Variants in B3GALT1 observed in about 807,000 individuals in gnomAD.
The protein encoded by B3GALT1 is beta-1,3-galactosyltransferase 1, also known as UDP-Gal:betaGlcNAc beta 1,3-galactosyltransferase, polypeptide 1.
In B3GALT1, 10 loss-of-function variants were observed where a neutral mutation model predicts 23.2. The observed-to-expected ratio is 0.43, with a 90% CI of 0.27 to 0.73. The LOEUF (loss-of-function observed/expected upper bound fraction) is 0.73, where lower values mean the gene tolerates loss of function less well. Among genes scored for constraint, B3GALT1 ranks in the 30% least tolerant of loss-of-function variants. The pLI, the probability that B3GALT1 is intolerant of heterozygous loss-of-function variation, is 0.21. For missense variants in B3GALT1, 299 were observed against 405.4 expected, an observed-to-expected ratio of 0.74 and a Z score of 2.25; for synonymous variants, 156 against 141.5, an observed-to-expected ratio of 1.10 and a Z score of -0.73.
intron 2 of B3GALT1, among the ~76,000 whole-genome samples, chr2:167,525,523 A>T (rs899890572): frequency 2.0e-5 from 3 of 151,874 alleles, no homozygotes; most frequent in Non-Finnish European, 2.9e-5. Flanking sequence ...ATTGCTATGG[A>T]CTTACGTATA....
chr2:167,475,078 CT>C (rs1449292747), intron 1 of B3GALT1, among the ~76,000 whole-genome samples: 1 of 152,122 alleles, frequency 6.6e-6, no homozygotes, highest in Non-Finnish European at 1.5e-5. Flanking sequence ...AGCAATTTTG[CT>C]TTCTGCAATT....
chr2:167,330,049 T>C (rs565436613), intron 1 of B3GALT1, among the ~76,000 whole-genome samples: 33 of 152,156 alleles, frequency 2.2e-4, no homozygotes, highest in Non-Finnish European at 4.4e-4. Flanking sequence ...CTGTATCTTA[T>C]TGTCTAAATC....
intron 4 of B3GALT1, among the ~76,000 whole-genome samples, chr2:167,828,081 C>T (rs1245052701): frequency 1.3e-5 from 2 of 152,184 alleles, no homozygotes; most frequent in Non-Finnish European, 2.9e-5. Context: ...TATAAGACCT[C>T]ATGTTTCTCA....
chr2:167,436,736 A>G (rs1304223132), intron 1 of B3GALT1, among the ~76,000 whole-genome samples: 1 of 152,136 alleles, frequency 6.6e-6, no homozygotes, highest in African/African-American at 2.4e-5. Context: ...GGCTTCCAGT[A>G]GTCATCTAGT....
chr2:167,418,521 T>G (rs1698501815), intron 1 of B3GALT1, among the ~76,000 whole-genome samples: 1 of 152,150 alleles, frequency 6.6e-6, no homozygotes, highest in African/African-American at 2.4e-5. Flanking sequence ...TTGACTTATC[T>G]TAGACCTTCC....
At chr2:167,450,862 C>G (rs567673885) in intron 1 of B3GALT1, among the ~76,000 whole-genome samples, 10 of 152,110 alleles carry the variant, frequency 6.6e-5, no homozygotes, top group Non-Finnish European at 1.2e-4. Flanking sequence ...AACATAATCC[C>G]AAGCTTTTTG....
At chr2:167,715,563 CT>C (rs1687128962) in intron 3 of B3GALT1, 1 of 1,613,740 alleles carries the variant, frequency 6.2e-7, no homozygotes, top group Non-Finnish European at 8.5e-7. Context: ...TTTGAAATAT[CT>C]GCCATCAGTT....
intron 3 of B3GALT1, chr2:167,814,888 C>T (rs957301984): frequency 1.3e-5 from 2 of 152,216 alleles, no homozygotes; most frequent in Non-Finnish European, 2.9e-5. Context: ...GTGGGAGAAC[C>T]CCTGGTTTCT....
intron 2 of B3GALT1, among the ~76,000 whole-genome samples, chr2:167,545,250 T>C (rs1020632661): frequency 1.3e-5 from 2 of 151,856 alleles, no homozygotes; most frequent in Non-Finnish European, 1.5e-5. Context: ...TTAGCCAGGA[T>C]GGTCTTGATC....
chr2:167,454,534 A>G (rs757334300), intron 1 of B3GALT1, among the ~76,000 whole-genome samples: 2 of 152,212 alleles, frequency 1.3e-5, no homozygotes, highest in Admixed American at 6.5e-5. Flanking sequence ...CTCAAATACA[A>G]TTGATATAGC....
chr2:167,483,400 G>A (rs1183273303), intron 1 of B3GALT1, among the ~76,000 whole-genome samples: 1 of 152,050 alleles, frequency 6.6e-6, no homozygotes, highest in East Asian at 1.9e-4. Flanking sequence ...ATTATTATGG[G>A]AAATCAAAAC....
chr2:167,735,463 C>T (rs922134939), intron 3 of B3GALT1, among the ~76,000 whole-genome samples: 2 of 152,238 alleles, frequency 1.3e-5, no homozygotes, highest in Non-Finnish European at 2.9e-5. Context: ...GAATTCCAAT[C>T]TATTTCTCCC....
rs114984360 is a variant in B3GALT1 at position 167,311,301 on chromosome 2, G to A, written c.-511+17967G>A. 3.8e-3 allele frequency among the ~76,000 whole-genome samples: 583 copies of A among 152,142 alleles called. 7 individuals are homozygous for A. The highest frequency in any genetic ancestry group is 0.013 in the African/African-American group (524 of 41,530). On this transcript the variant is annotated intron_variant, in intron 1 of 4. Transcript: ENST00000392690. Reference sequence around the variant, plus strand: ...AGTTAAAAATAGCTTGCAAAGCTGCGTAATACAAGGGGCAAATTCAGGCAT... The same window carrying A: ...AGTTAAAAATAGCTTGCAAAGCTGCATAATACAAGGGGCAAATTCAGGCAT...
intron 3 of B3GALT1, among the ~76,000 whole-genome samples, chr2:167,796,625 T>A (rs1444674691): frequency 2.6e-5 from 4 of 151,938 alleles, no homozygotes; most frequent in Non-Finnish European, 5.9e-5. Context: ...GGTGCTTGCC[T>A]GTAATCCCAG....
intron 2 of B3GALT1, among the ~76,000 whole-genome samples, chr2:167,587,615 C>A (rs1684604330): frequency 6.6e-6 from 1 of 152,160 alleles, no homozygotes; most frequent in African/African-American, 2.4e-5. Context: ...GCATTTTCTT[C>A]AGCGTTGACT....
Position 167,869,987 on chromosome 2 carries a change from T to A in B3GALT1, c.948T>A (p.Asn316Lys), listed in dbSNP as rs749429728. 6 of 1,606,780 alleles carry A rather than the reference T, an allele frequency of 3.7e-6. No individual in the cohort carries two copies. The South Asian group carries it at 6.6e-5, about 18-fold the overall frequency. Residue 316 changes from asparagine to lysine, a missense_variant, in exon 5 of 5, where the codon AAT (asparagine) becomes AAA (lysine). Asn to Lys is a moderately conservative substitution (Grantham distance 94, BLOSUM62 0). Coordinates refer to ENST00000392690, the MANE Select transcript of B3GALT1 (RefSeq NM_020981.4). This position sits in a 1 kb window ranked among gnomAD's most constrained non-coding sequence, Gnocchi z 6.4. ...CAGAAGAAATGCACAGAATCTGGAA[T>A]GACATGTCAAGCAAGAAACATCTCA... ...ISPEEMHRIW[N>K]DMSSKKHLRC
chr2:167,572,028 T>C (rs1334465281), intron 2 of B3GALT1, among the ~76,000 whole-genome samples: 3 of 151,872 alleles, frequency 2.0e-5, no homozygotes, highest in East Asian at 1.9e-4. Context: ...GTCTCTTATA[T>C]TGATGCAATG....
At chr2:167,460,295 C>T (rs182761099) in intron 1 of B3GALT1, among the ~76,000 whole-genome samples, 1 of 152,246 alleles carries the variant, frequency 6.6e-6, no homozygotes, top group East Asian at 1.9e-4. Flanking sequence ...CACTTTTCTT[C>T]AGTCATTTTT....
At chr2:167,522,005 T>TATATACACATATATATATATATATATAC (rs1184882586) in intron 2 of B3GALT1, among the ~76,000 whole-genome samples, 5 of 144,964 alleles carry the variant, frequency 3.4e-5, no homozygotes, top group South Asian at 2.2e-4. Flanking sequence ...TATATATATA[T>TATATACACATATATATATATATATATAC]ACACATATAT....
Sources: allele counts gnomAD v4.1 joint callset (sites outside exome capture counted in the v4.1 genomes callset), GRCh38; gene constraint gnomAD v4.1.1; non-coding constraint Gnocchi (gnomAD v3.1); transcripts MANE v1.5; gene names NCBI Gene and HGNC (gene_info 2026-07-23, HGNC 2026-07-21).